The following CLASP1 variants were observed in gnomAD, a reference collection of about 807,000 sequenced individuals.
The protein encoded by CLASP1 is cytoplasmic linker associated protein 1, also known as CLIP-associating protein 1.
In CLASP1, 38 loss-of-function variants were observed where a neutral mutation model predicts 192.3. The ratio of observed to expected loss-of-function variants is 0.20; its 90% CI spans 0.15 to 0.26. CLASP1 has a LOEUF of 0.26. Ranked by LOEUF, CLASP1 falls within the 10% of genes least tolerant of loss-of-function variation. The pLI is 1.00. For synonymous variants in CLASP1, 691 were observed against 712.8 expected (o/e 0.97, Z 0.49); for missense variants, 1,433 against 1,932.5 (o/e 0.74, Z 4.85).
At chr2:121,520,400 T>C (rs949900031) in intron 6 of CLASP1, among the ~76,000 whole-genome samples, 1 of 152,166 alleles carries the variant, frequency 6.6e-6, no homozygotes, top group African/African-American at 2.4e-5. Flanking sequence ...CCTTGGAGCG[T>C]GGGTACCCCA....
At chr2:121,370,556 C>T (rs1223441654) in intron 34 of CLASP1, among the ~76,000 whole-genome samples, 2 of 152,272 alleles carry the variant, frequency 1.3e-5, no homozygotes, top group East Asian at 3.9e-4. Flanking sequence ...AACTCCCGAC[C>T]TCAGGTGATC....
chr2:121,473,154 G>A (rs531735028), intron 8 of CLASP1, among the ~76,000 whole-genome samples: 3 of 150,562 alleles, frequency 2.0e-5, no homozygotes, highest in Admixed American at 2.0e-4. Flanking sequence ...AAAAAAATCA[G>A]AAAATAGTAA....
chr2:121,461,017 G>C lies in CLASP1; in HGVS notation c.1032+84C>G, dbSNP rs573721581. 94 of 812,646 alleles carry C rather than the reference G, an allele frequency of 1.2e-4. No individual in the cohort carries two copies. The African/African-American group carries it at 1.4e-3, about 12-fold the overall frequency. The allele number at this position is 812,646 out of a possible 1,614,324, so 50.3% of individuals were successfully genotyped here. A position where few individuals can be genotyped will look rare whatever the true frequency, so the allele number is the denominator to read the frequency against. On this transcript the variant is annotated intron_variant, in intron 11 of 39. Transcript: ENST00000263710. Reference sequence around the variant, plus strand: ...AATATGTACTATTTAGAATTCATTAGAGCTGTCCCAATTTCACAATAAAGT... The same window carrying C: ...AATATGTACTATTTAGAATTCATTACAGCTGTCCCAATTTCACAATAAAGT...
At position 121,644,007 on chromosome 2, in the gene CLASP1, C is replaced by G. The variant is rs151038730; in HGVS notation, c.-286+5365G>C. ...AGTGACTTGATTACTGCAACTACTACTACATGGTTATTAACTCCTACCATG... is the reference window on the plus strand; with the variant it reads ...AGTGACTTGATTACTGCAACTACTAGTACATGGTTATTAACTCCTACCATG... On this transcript the variant is annotated intron_variant, in intron 1 of 39. Transcript: ENST00000263710. Among the ~76,000 whole-genome samples the G allele has an allele frequency of 4.9e-3, 740 of 152,300 alleles. 5 individuals are homozygous for G. The highest frequency in any genetic ancestry group is 7.4e-3 in the Non-Finnish European group (506 of 68,026).
chr2:121,508,349 A>C (rs1163484056), intron 7 of CLASP1, among the ~76,000 whole-genome samples: 1 of 152,208 alleles, frequency 6.6e-6, no homozygotes, highest in African/African-American at 2.4e-5. Context: ...AGCAACTGCG[A>C]ATAATTCCCC....
intron 2 of CLASP1, 63 bp from the exon 3 acceptor site, chr2:121,530,388 C>A: frequency 1.5e-6 from 2 of 1,364,924 alleles, no homozygotes; most frequent in Admixed American, 2.0e-5. Flanking sequence ...TCCCGCCCAC[C>A]CGCTCCGGGG....
intron 28 of CLASP1, among the ~76,000 whole-genome samples, 176 bp downstream of exon 29, chr2:121,401,333 T>C (rs1327177717): frequency 6.6e-6 from 1 of 152,236 alleles, no homozygotes; most frequent in Admixed American, 6.5e-5. Flanking sequence ...GATATGGTAT[T>C]TCATTTCATG....
At chr2:121,614,595 T>C (rs2066157393) in intron 1 of CLASP1, among the ~76,000 whole-genome samples, 2 of 152,190 alleles carry the variant, frequency 1.3e-5, no homozygotes, top group African/African-American at 4.8e-5. Flanking sequence ...TGTTTTTCAA[T>C]CTAACACGTA....
chr2:121,407,808 G>T, intron 24 of CLASP1, 93 bp from the exon 26 acceptor site: 1 of 1,427,244 alleles, frequency 7.0e-7, no homozygotes, highest in Non-Finnish European at 9.9e-7. Context: ...ACAACAAAGA[G>T]TTAAGTGTAA....
chr2:121,357,742 A>T (rs1031709907), intron 37 of CLASP1, among the ~76,000 whole-genome samples: 3 of 152,158 alleles, frequency 2.0e-5, no homozygotes, highest in Non-Finnish European at 4.4e-5. Flanking sequence ...GAGGTGGGCT[A>T]TGTTTCTCCA....
intron 8 of CLASP1, among the ~76,000 whole-genome samples, chr2:121,500,434 GAA>G (rs1223303354): frequency 6.7e-6 from 1 of 148,428 alleles, no homozygotes; most frequent in Non-Finnish European, 1.5e-5. Context: ...AAAGAGAAAA[GAA>G]AAGAGGGAAG....
Position 121,474,052 on chromosome 2 carries a change from CTCA to C in CLASP1, c.713-4095_713-4093del, listed in dbSNP as rs528738842. On this transcript the variant is annotated intron_variant, in intron 8 of 39. Transcript: ENST00000263710. ...ATGTGGATAAATATAAGACTTTCTC[CTCA>C]TATTTTATTATTTATTCTCCTGTTT... is the stretch of plus-strand genomic sequence containing the variant. Among the ~76,000 whole-genome samples the C allele has an allele frequency of 3.1e-3, 472 of 152,186 alleles. 2 individuals are homozygous for C. Among genetic ancestry groups the C allele is most frequent in the Middle Eastern group, 6.8e-3 (2 of 294 alleles).
In CLASP1 at chr2:121,445,565, G is replaced by A. The variant is rs140730196; in HGVS notation, c.1912+1772C>T. The A allele has an allele frequency of 4.1e-5, 34 of 829,486 alleles. No homozygotes were observed. In the African/African-American group the frequency reaches 5.8e-4, roughly 14 times the overall value. 51.4% of individuals were successfully genotyped at this position (829,486 alleles called of 1,614,324 possible). A position where few individuals can be genotyped will look rare whatever the true frequency, so the allele number is the denominator to read the frequency against. On this transcript the variant is annotated intron_variant, in intron 19 of 39. Coordinates refer to ENST00000263710, the Ensembl canonical transcript of CLASP1. Reference sequence around the variant, plus strand: ...TGCAAAGATGTCATGTGTCAACCTAGGTAGCAACTGTAACAAATTCTCACT... The same window carrying A: ...TGCAAAGATGTCATGTGTCAACCTAAGTAGCAACTGTAACAAATTCTCACT...
chr2:121,483,990 C>CA (rs2092800614), intron 8 of CLASP1, among the ~76,000 whole-genome samples: 1 of 152,180 alleles, frequency 6.6e-6, no homozygotes, highest in South Asian at 2.1e-4. Flanking sequence ...CATTCTGATG[C>CA]ATGGCCGGGT....
At position 121,348,683 on chromosome 2, in the gene CLASP1, C is replaced by T. The variant is rs2063784636; in HGVS notation, c.4242G>A (p.Leu1414=). The change falls in exon 38 of 40, where the codon CTG becomes CTA. Residue 1414 remains leucine (L), a synonymous_variant. Transcript: ENST00000263710. The stretch of plus-strand genomic sequence containing the variant: ...ACTGCTCCGGGTGGATGGAACTGGC[C>T]AGTGTGGACGCAGCCTCCTCAGCCG... 3.7e-6 allele frequency: 6 copies of T among 1,613,266 alleles called. No individual in the cohort carries two copies. In the East Asian group the frequency reaches 1.1e-4, roughly 30 times the overall value.
chr2:121,635,660 CAGAG>C (rs139828794), intron 1 of CLASP1, among the ~76,000 whole-genome samples: 2,482 of 152,292 alleles, frequency 0.016, 72 homozygotes, highest in African/African-American at 0.057. Context: ...AATACAGATT[CAGAG>C]AGAAAGATCA....
chr2:121,423,447 C>T (rs1479108596), intron 22 of CLASP1, among the ~76,000 whole-genome samples: 1 of 151,916 alleles, frequency 6.6e-6, no homozygotes, highest in Non-Finnish European at 1.5e-5. Flanking sequence ...TGGGTTATTT[C>T]CCAATTTCAA....
At chr2:121,365,030 A>G in intron 36 of CLASP1, 64 bp downstream of exon 37, 1 of 1,460,486 alleles carries the variant, frequency 6.8e-7, no homozygotes, top group Non-Finnish European at 9.6e-7. Context: ...AAGCCCAATA[A>G]GAAAAGGACA....
chr2:121,522,268 G>T (rs1051385613), intron 6 of CLASP1, among the ~76,000 whole-genome samples: 10 of 152,126 alleles, frequency 6.6e-5, no homozygotes, highest in African/African-American at 2.4e-4. Flanking sequence ...ACTGAAAGCT[G>T]CCCGTAGAGT....
Sources: gnomAD v4.1 joint callset for allele counts (sites outside exome capture counted in the v4.1 genomes callset) on GRCh38, gnomAD v4.1.1 for gene constraint, MANE v1.5 for transcripts, NCBI Gene and HGNC (gene_info 2026-07-23, HGNC 2026-07-21) for gene names.